The following LRFN5 variants were observed in gnomAD, a reference collection of about 807,000 sequenced individuals.
LRFN5 encodes the protein leucine-rich repeat and fibronectin type-III domain-containing protein 5.
In LRFN5, 24 loss-of-function variants were observed where a neutral mutation model predicts 45.6. The ratio of observed to expected loss-of-function variants is 0.53; its 90% CI spans 0.38 to 0.74. The LOEUF is 0.74. LRFN5 is among the 30% of genes least tolerant of loss of function. The pLI is 0.00. For missense variants in LRFN5, 776 were observed against 861.5 expected, an observed-to-expected ratio of 0.90 and a Z score of 1.24; for synonymous variants, 340 against 313.8, an observed-to-expected ratio of 1.08 and a Z score of -0.88.
At chr14:41,698,972 A>T (rs1594626194) in intron 1 of LRFN5, among the ~76,000 whole-genome samples, 1 of 152,094 alleles carries the variant, frequency 6.6e-6, no homozygotes, top group Admixed American at 6.6e-5. Context: ...ACAGAAAAGC[A>T]ATCAAAACTG....
chr14:41,890,466 G>A (rs1354333652), intron 3 of LRFN5, among the ~76,000 whole-genome samples: 1 of 152,024 alleles, frequency 6.6e-6, no homozygotes, highest in Non-Finnish European at 1.5e-5. Flanking sequence ...CCAGCACTTT[G>A]GGAGGCAGAG....
chr14:41,744,667 A>G (rs2138829024), intron 1 of LRFN5, among the ~76,000 whole-genome samples: 1 of 152,260 alleles, frequency 6.6e-6, no homozygotes, highest in South Asian at 2.1e-4. Context: ...TGGATCCAGA[A>G]CACCAATAGG....
chr14:41,706,452 T>A (rs1883072429), intron 1 of LRFN5, among the ~76,000 whole-genome samples: 1 of 152,148 alleles, frequency 6.6e-6, no homozygotes, highest in African/African-American at 2.4e-5. Context: ...ATTTTTTATT[T>A]TTTATTTTTT....
chr14:41,661,193 C>G (rs969110130), intron 1 of LRFN5, among the ~76,000 whole-genome samples: 1 of 151,700 alleles, frequency 6.6e-6, no homozygotes. Context: ...AAACTAAAAT[C>G]TCATCTTATT....
At position 41,886,993 on chromosome 14, in the gene LRFN5, C is replaced by G; in HGVS notation, c.368C>G (p.Ser123Cys). ...ACAAATGATATGTTCAGTGGTCTTT[C>G]CAATCTTCATCATTTGATACTGAAC... ...KITNDMFSGL[S>C]NLHHLILNNN... Residue 123 changes from serine to cysteine, a missense_variant, in exon 3 of 6, where the codon TCC becomes TGC. Physicochemically the swap from Ser to Cys is moderately radical, Grantham distance 112 (BLOSUM62 -1). This residue lies in a region of LRFN5 where 311 missense variants were observed against 405.1 expected (regional missense o/e 0.77). Transcript: ENST00000298119. 1.9e-6 allele frequency: 3 copies of G among 1,614,094 alleles called. No homozygotes were observed. Among genetic ancestry groups the G allele is most frequent in the Non-Finnish European group, 2.5e-6 (3 of 1,180,012 alleles).
In LRFN5 at chr14:41,674,553, G is replaced by A. The variant is rs530556368; in HGVS notation, c.-197+65991G>A. Among the ~76,000 whole-genome samples the A allele has an allele frequency of 3.5e-3, 500 of 143,146 alleles. 2 individuals carry two copies. Among genetic ancestry groups the A allele is most frequent in the African/African-American group, 0.013 (472 of 37,720 alleles). The allele number at this position is 143,146 out of a possible 152,430, so 93.9% of individuals were successfully genotyped here. On this transcript the variant is annotated intron_variant, in intron 1 of 5. Transcript: ENST00000298119. ...GACGGGGCGGCTGGCCGGGCAGGGG[G>A]CTGACCCCCCCACCTCTCTCCAGGA...
intron 2 of LRFN5, among the ~76,000 whole-genome samples, chr14:41,854,404 TAATGTA>T (rs975539651): frequency 3.3e-5 from 5 of 151,958 alleles, no homozygotes; most frequent in African/African-American, 1.2e-4. Context: ...GAGATATACC[TAATGTA>T]AATGACGAGT....
chr14:41,638,875 T>C (rs1879432031), intron 1 of LRFN5, among the ~76,000 whole-genome samples: 1 of 152,098 alleles, frequency 6.6e-6, no homozygotes, highest in African/African-American at 2.4e-5. Context: ...AAATACAGCA[T>C]CAGTGATACA....
intron 2 of LRFN5, among the ~76,000 whole-genome samples, chr14:41,770,733 T>G (rs1234534341): frequency 6.6e-6 from 1 of 152,114 alleles, no homozygotes; most frequent in East Asian, 1.9e-4. Flanking sequence ...TGCTTGTGGC[T>G]TTTCTGGGCA....
intron 1 of LRFN5, among the ~76,000 whole-genome samples, chr14:41,740,967 A>G (rs1290001459): frequency 6.6e-6 from 1 of 152,056 alleles, no homozygotes; most frequent in Non-Finnish European, 1.5e-5. Flanking sequence ...AAATAATTCC[A>G]TTTACAATAG....
chr14:41,856,948 G>A (rs533766127), intron 2 of LRFN5, among the ~76,000 whole-genome samples: 1 of 151,510 alleles, frequency 6.6e-6, no homozygotes, highest in South Asian at 2.1e-4. Flanking sequence ...ACAGGCGTGA[G>A]CCACCGCGTC....
chr14:41,746,137 T>G (rs1884908649), intron 1 of LRFN5, among the ~76,000 whole-genome samples: 1 of 151,984 alleles, frequency 6.6e-6, no homozygotes, highest in Non-Finnish European at 1.5e-5. Context: ...AGCAGCATAT[T>G]AAAAGGATTA....
At chr14:41,661,912 G>A (rs961480394) in intron 1 of LRFN5, among the ~76,000 whole-genome samples, 8 of 152,040 alleles carry the variant, frequency 5.3e-5, no homozygotes, top group African/African-American at 1.9e-4. Flanking sequence ...TGTGTACTTA[G>A]CACTGATTAA....
chr14:41,736,212 A>C (rs575345187), intron 1 of LRFN5, among the ~76,000 whole-genome samples: 1 of 152,074 alleles, frequency 6.6e-6, no homozygotes, highest in Admixed American at 6.6e-5. Flanking sequence ...ACTAATTTAC[A>C]CTCCCACCAA....
chr14:41,751,919 G>A (rs866745233), intron 1 of LRFN5, among the ~76,000 whole-genome samples: 137 of 151,756 alleles, frequency 9.0e-4, no homozygotes, highest in African/African-American at 2.9e-3. Context: ...CCCCTCTCCC[G>A]CCAACCCACA....
At position 41,771,826 on chromosome 14, in the gene LRFN5, G is replaced by A. The variant is rs534120680; in HGVS notation, c.-21+4797G>A. Among the ~76,000 whole-genome samples, 4 of 152,246 alleles carry A rather than the reference G, an allele frequency of 2.6e-5. No homozygotes were observed. The East Asian group carries it at 7.7e-4, about 29-fold the overall frequency. ...AGATCTCCAAAGTCTCCCAAACTCT[G>A]CCTGTTACCCAGTTCCAAAGCCACT... On this transcript the variant is annotated intron_variant, in intron 2 of 5. Coordinates refer to ENST00000298119, the MANE Select transcript of LRFN5 (RefSeq NM_152447.5).
At chr14:41,874,541 T>C (rs1429586432) in intron 2 of LRFN5, among the ~76,000 whole-genome samples, 1 of 152,188 alleles carries the variant, frequency 6.6e-6, no homozygotes, top group African/African-American at 2.4e-5. Context: ...TAGAATATTG[T>C]TCTTTGCTAT....
At chr14:41,618,517 T>C (rs1303884753) in intron 1 of LRFN5, among the ~76,000 whole-genome samples, 4 of 152,280 alleles carry the variant, frequency 2.6e-5, no homozygotes, top group Admixed American at 6.5e-5. Context: ...GACACGCAGA[T>C]GAGGCCACCT....
intron 1 of LRFN5, among the ~76,000 whole-genome samples, chr14:41,730,101 C>T (rs79247791): frequency 0.045 from 6,825 of 152,046 alleles, 340 homozygotes; most frequent in African/African-American, 0.12. Context: ...AATTGTTTTT[C>T]TGTTCATAAA....
Sources: gnomAD v4.1 joint callset for allele counts (sites outside exome capture counted in the v4.1 genomes callset) on GRCh38, gnomAD v4.1.1 for gene constraint, gnomAD v4.1.1 regional missense constraint, MANE v1.5 for transcripts, NCBI Gene and HGNC (gene_info 2026-07-23, HGNC 2026-07-21) for gene names.